ZFP64: variants seen among roughly 807,000 people sequenced by gnomAD.
The protein encoded by ZFP64 is ZFP64 zinc finger protein, also known as zinc finger protein 64.
A neutral mutation model predicts 51.6 loss-of-function variants in ZFP64; 14 were observed. The ratio of observed to expected loss-of-function variants is 0.27; its 90% CI spans 0.18 to 0.42. The LOEUF (loss-of-function observed/expected upper bound fraction) is 0.42, where lower values mean the gene tolerates loss of function less well. Ranked by LOEUF, ZFP64 falls within the 10% of genes least tolerant of loss-of-function variation. The probability of loss-of-function intolerance (pLI) is 1.00; values close to 1 mark genes in which losing one functional copy is unlikely to be tolerated. For missense variants in ZFP64, 754 were observed against 906.8 expected, an observed-to-expected ratio of 0.83 and a Z score of 2.16; for synonymous variants, 375 against 361.4, an observed-to-expected ratio of 1.04 and a Z score of -0.43.
chr20:52,116,732 C>T (rs537106068), intron 5 of ZFP64, among the ~76,000 whole-genome samples: 6 of 152,252 alleles, frequency 3.9e-5, no homozygotes, highest in Non-Finnish European at 8.8e-5. Context: ...TTGCATTATG[C>T]ATAATATGTA....
chr20:52,152,772 G>A lies in ZFP64; in HGVS notation c.1420C>T (p.Pro474Ser). 6.2e-7 allele frequency: 1 copy of A among 1,603,092 alleles called. No homozygotes were observed. The highest frequency in any genetic ancestry group is 1.1e-5 in the South Asian group (1 of 89,564). ...QIDPSKQPAT[P>S]LTVGHLQVPL... ...ACCTGGAGGTGTCCCACAGTGAGGG[G>A]CGTGGCGGGCTGCTTGCTGGGGTCG... The change falls in exon 6 of 6, where the codon CCC (proline) becomes TCC (serine). Residue 474 changes from proline (P) to serine (S), a missense_variant. Pro to Ser is a moderately conservative substitution (Grantham distance 74, BLOSUM62 -1). Around this residue, in one of 3 missense-constraint regions of ZFP64, gnomAD observed 428 missense variants for 472.4 expected, o/e 0.91. Coordinates refer to ENST00000216923, the MANE Select transcript of ZFP64 (RefSeq NM_018197.3).
chr20:52,088,992 G>A (rs2122703448), intron 7 of ZFP64: 1 of 530,564 alleles, frequency 1.9e-6, no homozygotes, highest in East Asian at 5.2e-5. Context: ...AGAATGGTCA[G>A]GTGGACCCCT....
At chr20:52,099,734 G>A (rs1004110264) in intron 5 of ZFP64, among the ~76,000 whole-genome samples, 2 of 152,216 alleles carry the variant, frequency 1.3e-5, no homozygotes, top group Non-Finnish European at 2.9e-5. Flanking sequence ...GAGAGAGCTG[G>A]CATAAGGAGA....
At chr20:52,122,877 G>T (rs1402149132) in intron 5 of ZFP64, among the ~76,000 whole-genome samples, 2 of 152,210 alleles carry the variant, frequency 1.3e-5, no homozygotes. Flanking sequence ...GTGGCTTCTT[G>T]AGATGAAATC....
chr20:52,084,321 G>A (rs1416068548), exon 9 of ZFP64: 2 of 531,156 alleles, frequency 3.8e-6, no homozygotes. Flanking sequence ...TGAACAAGTC[G>A]ACTTGCTCAG....
chr20:52,123,988 G>C (rs1277828028), intron 5 of ZFP64, among the ~76,000 whole-genome samples: 2 of 151,942 alleles, frequency 1.3e-5, no homozygotes, highest in Non-Finnish European at 2.9e-5. Context: ...TCGTGCCTCA[G>C]CCTCCCGACT....
intron 5 of ZFP64, chr20:52,104,550 T>G: frequency 2.7e-6 from 1 of 364,660 alleles, no homozygotes; most frequent in South Asian, 2.0e-5. Flanking sequence ...TCTGCCCCCA[T>G]CACCTCTCGG....
At chr20:52,090,789 A>ATTT (rs34728955) in intron 7 of ZFP64, among the ~76,000 whole-genome samples, 22 of 132,422 alleles carry the variant, frequency 1.7e-4, no homozygotes, top group Middle Eastern at 3.9e-3. Context: ...ACAGAGCAAG[A>ATTT]TTTTTTTTTT....
In ZFP64 at chr20:52,125,185, A is replaced by C. The variant is rs148926900; in HGVS notation, c.764-26598T>G. Among the ~76,000 whole-genome samples the C allele has an allele frequency of 8.4e-4, 128 of 152,326 alleles. 1 individual carries two copies. The highest frequency in any genetic ancestry group is 1.4e-3 in the Non-Finnish European group (96 of 68,022). Reference sequence around the variant, plus strand: ...TTTTGGTGACAACAGATGCAACCAGAGCTTCTCTCTCTGGGAATGTACTAA... The same window carrying C: ...TTTTGGTGACAACAGATGCAACCAGCGCTTCTCTCTCTGGGAATGTACTAA... On this transcript the variant is annotated intron_variant, in intron 5 of 8. Transcript: ENST00000361387.
chr20:52,123,326 A>G (rs1324466606), intron 5 of ZFP64, among the ~76,000 whole-genome samples: 1 of 152,228 alleles, frequency 6.6e-6, no homozygotes, highest in Non-Finnish European at 1.5e-5. Context: ...CAATTTTGAA[A>G]GAAGTTCTAT....
At position 52,187,071 on chromosome 20, in the gene ZFP64, A is replaced by G. The variant is rs1283134687; in HGVS notation, c.47T>C (p.Ile16Thr). 1 of 1,601,382 alleles carries G rather than the reference A, an allele frequency of 6.2e-7. No homozygotes were observed. Among genetic ancestry groups the G allele is most frequent in the Non-Finnish European group, 8.5e-7 (1 of 1,169,626 alleles). ...EGESFAGSVQ[I>T]PGGTTVLVEL... Reference sequence around the variant, plus strand: ...CACCAGCACCGTTGTGCCACCTGGAACTCCATGGGACAAAGGGAAAGTAAC... The same window carrying G: ...CACCAGCACCGTTGTGCCACCTGGAGCTCCATGGGACAAAGGGAAAGTAAC... Residue 16 changes from isoleucine to threonine, a missense_variant and splice_region_variant, in exon 2 of 6, where the codon ATT becomes ACT. Coordinates refer to ENST00000216923, the MANE Select transcript of ZFP64 (RefSeq NM_018197.3).
chr20:52,111,110 A>T (rs1423184039), intron 5 of ZFP64: 1 of 861,272 alleles, frequency 1.2e-6, no homozygotes, highest in East Asian at 2.6e-5. Context: ...AGAGACGCGG[A>T]GCGGGGCACG....
At position 52,164,582 on chromosome 20, in the gene ZFP64, C is replaced by T. The variant is rs1982085177; in HGVS notation, c.511+113G>A. 11 of 903,664 alleles carry T rather than the reference C, an allele frequency of 1.2e-5. No individual in the cohort carries two copies. The South Asian group carries it at 1.4e-4, about 12-fold the overall frequency. 56.0% of individuals were successfully genotyped at this position (903,664 alleles called of 1,614,324 possible). On this transcript the variant is annotated intron_variant, in intron 4 of 5. Transcript: ENST00000216923. ...TTTTTTAAAATCTGGACTTGTATTC[C>T]CATAACAGCCAGTGACGTTTGGAGT...
chr20:52,136,835 C>T (rs886889030), intron 5 of ZFP64, among the ~76,000 whole-genome samples: 2 of 152,084 alleles, frequency 1.3e-5, no homozygotes, highest in Admixed American at 1.3e-4. Flanking sequence ...GGCGTGATCT[C>T]GGCTCACTGC....
Position 52,109,795 on chromosome 20 carries a change from A to G in ZFP64, c.764-11208T>C, listed in dbSNP as rs564023685. ...AATTCCACCTCAAAAAAAAAAAAAAAAAAAAAAGAAAAAAATTTGTTGCTA... is the reference window on the plus strand; with the variant it reads ...AATTCCACCTCAAAAAAAAAAAAAAGAAAAAAAGAAAAAAATTTGTTGCTA... On this transcript the variant is annotated intron_variant, in intron 5 of 8. Transcript: ENST00000361387. 9.4e-4 allele frequency among the ~76,000 whole-genome samples: 143 copies of G among 151,574 alleles called. 3 individuals are homozygous for G. The South Asian group carries it at 0.02, about 22-fold the overall frequency.
intron 2 of ZFP64, among the ~76,000 whole-genome samples, chr20:52,174,414 C>T (rs747987844): frequency 1.2e-4 from 16 of 136,124 alleles, no homozygotes; most frequent in South Asian, 4.9e-4. Flanking sequence ...ACCCGGGAGG[C>T]GGAGGTTGCA....
chr20:52,130,369 A>G (rs1979664994), intron 5 of ZFP64, among the ~76,000 whole-genome samples: 1 of 152,108 alleles, frequency 6.6e-6, no homozygotes, highest in Non-Finnish European at 1.5e-5. Context: ...ATGTTCCACC[A>G]TACCCGACTA....
chr20:52,112,897 A>C (rs1013441990), intron 5 of ZFP64, among the ~76,000 whole-genome samples: 1 of 151,586 alleles, frequency 6.6e-6, no homozygotes, highest in Non-Finnish European at 1.5e-5. Context: ...GATTACAGGC[A>C]TGAGCCACCG....
At chr20:52,161,056 T>C (rs1981755230) in intron 4 of ZFP64, among the ~76,000 whole-genome samples, 1 of 151,720 alleles carries the variant, frequency 6.6e-6, no homozygotes, top group Non-Finnish European at 1.5e-5. Flanking sequence ...GATGGTGGAG[T>C]CATGTAATAG....
Sources: allele counts gnomAD v4.1 joint callset (sites outside exome capture counted in the v4.1 genomes callset), GRCh38; gene constraint gnomAD v4.1.1; regional missense constraint gnomAD v4.1.1; transcripts MANE v1.5; gene names NCBI Gene and HGNC (gene_info 2026-07-23, HGNC 2026-07-21).